The following UGT1A7 variants were observed in gnomAD, a reference collection of about 807,000 sequenced individuals.
UGT1A7 encodes UDP-glucuronosyltransferase 1A7.
Under a neutral mutation model 45.6 loss-of-function variants are expected in UGT1A7, and 33 were observed. The ratio of observed to expected loss-of-function variants is 0.72; its 90% CI spans 0.55 to 0.97. The LOEUF (loss-of-function observed/expected upper bound fraction) is 0.97. Among genes scored for constraint, UGT1A7 ranks in the 50% least tolerant of loss-of-function variants. The probability of loss-of-function intolerance (pLI) is 0.00; values close to 1 mark genes in which losing one functional copy is unlikely to be tolerated. For missense variants in UGT1A7, 684 were observed against 666.2 expected, an observed-to-expected ratio of 1.03 and a Z score of -0.29; for synonymous variants, 274 against 250.6, an observed-to-expected ratio of 1.09 and a Z score of -0.88.
intron 1 of UGT1A7, among the ~76,000 whole-genome samples, chr2:233,687,829 A>G (rs2074864372): frequency 6.6e-6 from 1 of 152,142 alleles, no homozygotes; most frequent in Non-Finnish European, 1.5e-5. Flanking sequence ...TCTCCTGTAA[A>G]CCCAGGAGGT....
chr2:233,718,849 C>T (rs199761544), intron 1 of UGT1A7: 64 of 1,613,712 alleles, frequency 4.0e-5, no homozygotes, highest in South Asian at 1.6e-4. Flanking sequence ...GTTCCCCTGC[C>T]GCGGCTGGCC....
intron 1 of UGT1A7, chr2:233,743,987 G>A (rs576123874): frequency 1.6e-6 from 2 of 1,278,832 alleles, no homozygotes; most frequent in East Asian, 4.9e-5. Flanking sequence ...CCAGGCGCAG[G>A]CCCGAGTGCT....
At chr2:233,763,534 C>T (rs545430015) in intron 1 of UGT1A7, among the ~76,000 whole-genome samples, 5 of 152,184 alleles carry the variant, frequency 3.3e-5, no homozygotes, top group Admixed American at 1.3e-4. Context: ...CTCCTTTTTC[C>T]GGATTTCTAC....
At chr2:233,691,415 C>T in intron 1 of UGT1A7, 1 of 985,558 alleles carries the variant, frequency 1.0e-6, no homozygotes, top group Non-Finnish European at 1.2e-6. Context: ...TGGAGTGGCC[C>T]CTCTAATCAT....
At chr2:233,750,055 CT>C (rs1365939187) in intron 1 of UGT1A7, among the ~76,000 whole-genome samples, 2 of 151,758 alleles carry the variant, frequency 1.3e-5, no homozygotes, top group Non-Finnish European at 2.9e-5. Context: ...GTGGAAGTGA[CT>C]TTGGAACTGG....
At chr2:233,755,053 C>CCCTCG (rs778721180) in intron 1 of UGT1A7, 9 of 1,332,572 alleles carry the variant, frequency 6.8e-6, no homozygotes, top group Non-Finnish European at 6.1e-6. Flanking sequence ...CCGCCCTCCG[C>CCCTCG]CCTCGCCTCG....
intron 1 of UGT1A7, among the ~76,000 whole-genome samples, chr2:233,687,773 G>T (rs976216243): frequency 6.6e-6 from 1 of 152,010 alleles, no homozygotes; most frequent in South Asian, 2.1e-4. Context: ...GGGCCTGGTG[G>T]CATATGCCTG....
intron 1 of UGT1A7, chr2:233,755,386 C>T (rs879759511): frequency 8.4e-5 from 29 of 346,256 alleles, no homozygotes; most frequent in South Asian, 2.1e-4. Flanking sequence ...CCCCTTATGA[C>T]GCAGCCACAT....
intron 1 of UGT1A7, chr2:233,755,763 T>G (rs1382676061): frequency 6.5e-6 from 1 of 152,928 alleles, no homozygotes; most frequent in Non-Finnish European, 1.5e-5. Context: ...TTTGCTTTTG[T>G]TCATCTGGAT....
Position 233,697,502 on chromosome 2 carries a change from CT to C in UGT1A7, c.855+14723del, listed in dbSNP as rs1212901051. Among the ~76,000 whole-genome samples the C allele has an allele frequency of 6.5e-3, 919 of 142,258 alleles. 11 individuals are homozygous for C. The highest frequency in any genetic ancestry group is 0.021 in the African/African-American group (802 of 39,098). The allele number at this position is 142,258 out of a possible 152,430, so 93.3% of individuals were successfully genotyped here. On this transcript the variant is annotated intron_variant, in intron 1 of 4. Transcript: ENST00000373426. ...CTCAAGGTTTGCCAATTTTGTTTAT[CT>C]TTTTTTTTTTTTAAAAAACTTTTTG...
Position 233,682,494 on chromosome 2 carries a change from C to T in UGT1A7, c.557C>T (p.Pro186Leu). 4 of 1,613,944 alleles carry T rather than the reference C, an allele frequency of 2.5e-6. No individual in the cohort carries two copies. Among genetic ancestry groups the T allele is most frequent in the Non-Finnish European group, 3.4e-6 (4 of 1,179,854 alleles). The stretch of plus-strand genomic sequence containing the variant: ...GAAGAAGGTGCACAGTGCCCTGCTC[C>T]TCTTTCCTATGTCCCCAGACTTCTC... ...YLEEGAQCPAPLSYVPRLLLG... is the reference protein window; with the variant it reads ...YLEEGAQCPALLSYVPRLLLG... Residue 186 changes from proline to leucine, a missense_variant, in exon 1 of 5, where the codon CCT becomes CTT. Coordinates refer to ENST00000373426, the MANE Select transcript of UGT1A7 (RefSeq NM_019077.3).
chr2:233,742,761 T>C (rs978880235), intron 1 of UGT1A7: 1 of 153,020 alleles, frequency 6.5e-6, no homozygotes, highest in African/African-American at 2.4e-5. Flanking sequence ...ATTAAGATAA[T>C]AAATGCATGT....
At chr2:233,690,786 C>T (rs999720926) in intron 1 of UGT1A7, 1 of 1,139,282 alleles carries the variant, frequency 8.8e-7, no homozygotes, top group Non-Finnish European at 1.1e-6. Context: ...TACACACACA[C>T]ACACACACAC....
At chr2:233,711,358 CT>C (rs2076176304) in intron 1 of UGT1A7, among the ~76,000 whole-genome samples, 1 of 152,218 alleles carries the variant, frequency 6.6e-6, no homozygotes, top group African/African-American at 2.4e-5. Flanking sequence ...GGGGAGCCCC[CT>C]GAATGTGGTG....
intron 1 of UGT1A7, chr2:233,755,375 G>A (rs1695890157): frequency 5.6e-6 from 2 of 355,636 alleles, no homozygotes; most frequent in South Asian, 4.5e-5. Context: ...CTGGAGGGCC[G>A]CCCCTTATGA....
intron 1 of UGT1A7, among the ~76,000 whole-genome samples, chr2:233,721,208 T>C (rs1235207261): frequency 6.6e-6 from 1 of 152,250 alleles, no homozygotes; most frequent in East Asian, 1.9e-4. Flanking sequence ...ACTGGTTTTC[T>C]TTTCCCCTTA....
intron 1 of UGT1A7, chr2:233,692,997 T>C: frequency 6.2e-7 from 1 of 1,614,038 alleles, no homozygotes; most frequent in Non-Finnish European, 8.5e-7. Flanking sequence ...ACTTTAACTC[T>C]TTCCAGGATG....
Position 233,743,652 on chromosome 2 carries a change from A to ACTCGAAGGGGTC in UGT1A7, c.856-23372_856-23361dup, listed in dbSNP as rs1188916157. On this transcript the variant is annotated intron_variant, in intron 1 of 4. Transcript: ENST00000373426. The stretch of plus-strand genomic sequence containing the variant: ...GCTGGGTCGCGGAAGCTGAAGACGT[A>ACTCGAAGGGGTC]CTCGAAGGGGTCCTCGAAGGGCCTG... 5.9e-6 allele frequency: 8 copies of ACTCGAAGGGGTC among 1,367,190 alleles called. No homozygotes were observed. The South Asian group carries it at 9.1e-5, about 16-fold the overall frequency. The allele number at this position is 1,367,190 out of a possible 1,614,324, so 84.7% of individuals were successfully genotyped here. A position where few individuals can be genotyped will look rare whatever the true frequency, so the allele number is the denominator to read the frequency against.
intron 1 of UGT1A7, among the ~76,000 whole-genome samples, chr2:233,683,564 A>G (rs891105811): frequency 6.6e-6 from 1 of 152,106 alleles, no homozygotes; most frequent in African/African-American, 2.4e-5. Context: ...TTCTTTTGCT[A>G]TTACATCTTC....
Sources: gnomAD v4.1 joint callset for allele counts (sites outside exome capture counted in the v4.1 genomes callset) on GRCh38, gnomAD v4.1.1 for gene constraint, MANE v1.5 for transcripts, NCBI Gene and HGNC (gene_info 2026-07-23, HGNC 2026-07-21) for gene names.